Variants in AMOTL1 observed in about 807,000 individuals in gnomAD.
The protein encoded by AMOTL1 is angiomotin like 1, also known as angiomotin-like protein 1.
AMOTL1 carries 45 observed loss-of-function variants against 102.9 expected under a neutral mutation model. The observed-to-expected ratio is 0.44, with a 90% CI of 0.34 to 0.56. AMOTL1 has a LOEUF of 0.56. Ranked by LOEUF, AMOTL1 falls within the 20% of genes least tolerant of loss-of-function variation. The pLI is 0.01. For missense variants in AMOTL1, 1,114 were observed against 1,225.6 expected, an observed-to-expected ratio of 0.91 and a Z score of 1.36; for synonymous variants, 481 against 484.7, an observed-to-expected ratio of 0.99 and a Z score of 0.10.
In AMOTL1 at chr11:94,803,824, G is replaced by T. The variant is rs1951522307; in HGVS notation, c.1121+3513G>T. Among the ~76,000 whole-genome samples, 4 of 152,158 alleles carry T rather than the reference G, an allele frequency of 2.6e-5. No homozygotes were observed. The South Asian group carries it at 8.3e-4, about 32-fold the overall frequency. On this transcript the variant is annotated intron_variant, in intron 3 of 12. Transcript: ENST00000433060. ...GAAATCCATATTTCAAAACATTTGG[G>T]AACTAGAGATGCTAAAAAAATTACT...
intron 9 of AMOTL1, among the ~76,000 whole-genome samples, chr11:94,862,542 G>A (rs1051886428): frequency 2.0e-5 from 3 of 152,172 alleles, no homozygotes; most frequent in African/African-American, 7.2e-5. Flanking sequence ...GTGTTGGTCA[G>A]AATTTTTAGA....
chr11:94,768,364 A>G lies in AMOTL1; in HGVS notation c.-148A>G. 1 of 1,377,184 alleles carries G rather than the reference A, an allele frequency of 7.3e-7. No individual in the cohort carries two copies. Among genetic ancestry groups the G allele is most frequent in the Non-Finnish European group, 9.4e-7 (1 of 1,065,674 alleles). The allele number at this position is 1,377,184 out of a possible 1,614,324, so 85.3% of individuals were successfully genotyped here. On this transcript the variant is annotated 5_prime_UTR_variant, in exon 1 of 13. Transcript: ENST00000433060. Reference sequence around the variant, plus strand: ...GCGCGGACGGCGGCGGGAGCGCGCGAGAAGCTCTAGGACCCAGCAGCGGTT... The same window carrying G: ...GCGCGGACGGCGGCGGGAGCGCGCGGGAAGCTCTAGGACCCAGCAGCGGTT...
intron 3 of AMOTL1, among the ~76,000 whole-genome samples, chr11:94,759,713 G>A (rs927527515): frequency 1.3e-5 from 2 of 152,098 alleles, no homozygotes; most frequent in Non-Finnish European, 2.9e-5. Context: ...TAACACATGG[G>A]TAATAATATC....
intron 8 of AMOTL1, 45 bp from the exon 9 acceptor site, chr11:94,859,480 A>G (rs1952730945): frequency 6.4e-7 from 1 of 1,556,086 alleles, no homozygotes; most frequent in South Asian, 1.2e-5. Context: ...TGTAGACAGC[A>G]TTGATGTGGT....
intron 6 of AMOTL1, among the ~76,000 whole-genome samples, chr11:94,843,136 T>C (rs1246706117): frequency 3.3e-5 from 5 of 152,194 alleles, no homozygotes; most frequent in African/African-American, 4.8e-5. Context: ...CAGCAAATTT[T>C]AAAAAGACAA....
intron 2 of AMOTL1, among the ~76,000 whole-genome samples, chr11:94,734,955 A>C (rs1233795530): frequency 6.6e-6 from 1 of 152,234 alleles, no homozygotes; most frequent in Non-Finnish European, 1.5e-5. Flanking sequence ...TCTTGCAAAG[A>C]GAATTAATAG....
At chr11:94,741,373 G>A (rs895575690) in intron 3 of AMOTL1, among the ~76,000 whole-genome samples, 1 of 152,156 alleles carries the variant, frequency 6.6e-6, no homozygotes, top group African/African-American at 2.4e-5. Context: ...GCGGCGACTG[G>A]TTCTGACTTG....
intron 8 of AMOTL1, among the ~76,000 whole-genome samples, chr11:94,854,636 A>G (rs1156683445): frequency 6.6e-6 from 1 of 152,150 alleles, no homozygotes; most frequent in Non-Finnish European, 1.5e-5. Flanking sequence ...ACATGATGCA[A>G]GAGATCAGGG....
intron 6 of AMOTL1, among the ~76,000 whole-genome samples, chr11:94,840,441 A>C (rs1224911673): frequency 6.6e-6 from 1 of 152,088 alleles, no homozygotes; most frequent in Non-Finnish European, 1.5e-5. Context: ...GAATCTATTC[A>C]AAGCAAGTTG....
chr11:94,733,432 T>C (rs898593954), intron 2 of AMOTL1, among the ~76,000 whole-genome samples: 2 of 152,248 alleles, frequency 1.3e-5, no homozygotes, highest in African/African-American at 2.4e-5. Context: ...TATTAAAGAT[T>C]AGTGGCAAAA....
intron 2 of AMOTL1, among the ~76,000 whole-genome samples, chr11:94,796,712 C>A (rs780766013): frequency 6.6e-5 from 10 of 152,112 alleles, no homozygotes; most frequent in Non-Finnish European, 1.3e-4. Flanking sequence ...GGGGCCATCA[C>A]GGAGTTACAG....
intron 3 of AMOTL1, among the ~76,000 whole-genome samples, chr11:94,760,542 G>C (rs1950779256): frequency 6.6e-6 from 1 of 152,192 alleles, no homozygotes; most frequent in African/African-American, 2.4e-5. Flanking sequence ...GGCCTGGAAT[G>C]CTCTTCCTGC....
At position 94,799,399 on chromosome 11, in the gene AMOTL1, C is replaced by T. The variant is rs758371011; in HGVS notation, c.209C>T (p.Pro70Leu). 2 of 1,566,538 alleles carry T rather than the reference C, an allele frequency of 1.3e-6. No individual in the cohort carries two copies. Among genetic ancestry groups the T allele is most frequent in the East Asian group, 4.7e-5 (2 of 42,808 alleles). Residue 70 changes from proline (P) to leucine (L), a missense_variant, in exon 3 of 13, where the codon CCT becomes CTT. Coordinates refer to ENST00000433060, the MANE Select transcript of AMOTL1 (RefSeq NM_130847.3). The surrounding 1 kb of genome is among the most constrained non-coding windows in gnomAD (Gnocchi z 4.5). ...TATGTTTATCTTTTAGTTGAAGATC[C>T]TCTTTGTAACTTCCACTCCCCAAAC... The part of the protein sequence containing the change: ...SSIREKVVED[P>L]LCNFHSPNFL...
intron 12 of AMOTL1, among the ~76,000 whole-genome samples, chr11:94,869,745 G>A (rs1447233973): frequency 6.6e-6 from 1 of 152,194 alleles, no homozygotes; most frequent in African/African-American, 2.4e-5. Flanking sequence ...TCCCCGGATG[G>A]AGTGACAACA....
chr11:94,722,243 C>CT (rs1444371697), intron 1 of AMOTL1, among the ~76,000 whole-genome samples: 2 of 152,052 alleles, frequency 1.3e-5, no homozygotes, highest in African/African-American at 2.4e-5. Flanking sequence ...TTTTACACAT[C>CT]TTTTTTTCAG....
At chr11:94,798,145 C>T (rs893360316) in intron 2 of AMOTL1, among the ~76,000 whole-genome samples, 1 of 152,166 alleles carries the variant, frequency 6.6e-6, no homozygotes, top group South Asian at 2.1e-4. Context: ...CGCCTGGGGG[C>T]CTCGGCAATT....
chr11:94,774,466 C>G (rs1950995954), intron 1 of AMOTL1, among the ~76,000 whole-genome samples: 1 of 152,174 alleles, frequency 6.6e-6, no homozygotes, highest in Non-Finnish European at 1.5e-5. Flanking sequence ...GCTGATGTCA[C>G]CAGGCCGTGT....
intron 1 of AMOTL1, among the ~76,000 whole-genome samples, chr11:94,788,658 C>T (rs1460946350): frequency 6.6e-6 from 1 of 152,194 alleles, no homozygotes; most frequent in Non-Finnish European, 1.5e-5. Flanking sequence ...GCACGTTGGT[C>T]TCTGGAACCA....
chr11:94,710,539 G>A (rs1351136155), intron 1 of AMOTL1, among the ~76,000 whole-genome samples: 1 of 152,160 alleles, frequency 6.6e-6, no homozygotes, highest in Non-Finnish European at 1.5e-5. Flanking sequence ...ATACATCTGT[G>A]TTACGTAAAT....
Sources: gnomAD v4.1 joint callset for allele counts (sites outside exome capture counted in the v4.1 genomes callset) on GRCh38, gnomAD v4.1.1 for gene constraint, Gnocchi (gnomAD v3.1) non-coding constraint, MANE v1.5 for transcripts, NCBI Gene and HGNC (gene_info 2026-07-23, HGNC 2026-07-21) for gene names.